Variants in AHDC1 observed in about 807,000 individuals in gnomAD.
AHDC1 encodes the protein AT-hook DNA binding motif containing 1.
AHDC1 carries 7 observed loss-of-function variants against 87.9 expected under a neutral mutation model. The observed-to-expected ratio is 0.08, with a 90% confidence interval of 0.05 to 0.15. The LOEUF (loss-of-function observed/expected upper bound fraction) is 0.15, where lower values mean the gene tolerates loss of function less well. Ranked by LOEUF, AHDC1 falls within the 10% of genes least tolerant of loss-of-function variation. The pLI is 1.00. For synonymous variants in AHDC1, 1,051 were observed against 1,006.8 expected (o/e 1.04, Z -0.83); for missense variants, 1,841 against 2,253.2 (o/e 0.82, Z 3.70).
Position 27,549,128 on chromosome 1 carries a change from C to T in AHDC1, c.2988G>A (p.Lys996=), listed in dbSNP as rs573300547. 3.1e-5 allele frequency: 48 copies of T among 1,553,156 alleles called. 1 individual carries two copies. The South Asian group carries it at 5.4e-4, about 18-fold the overall frequency. Reference sequence around the variant, plus strand: ...CACTGCCATAGGCGAAGCTGCAGTCCTTGCTGTTAGCGCAGTCCTGGCCTG... The same window carrying T: ...CACTGCCATAGGCGAAGCTGCAGTCTTTGCTGTTAGCGCAGTCCTGGCCTG... ...PFTGQDCANS[K]DCSFAYGSGN... Residue 996 remains lysine, a synonymous_variant, in exon 8 of 9, where the codon AAG becomes AAA. Transcript: ENST00000673934.
chr1:27,551,020 C>T lies in AHDC1; in HGVS notation c.1096G>A (p.Asp366Asn). Residue 366 changes from aspartate to asparagine, a missense_variant, in exon 8 of 9, where the codon GAC becomes AAC. By Grantham distance (23) the Asp-to-Asn change is conservative (BLOSUM62 1). This residue lies in a region of AHDC1 where 370 missense variants were observed against 391.5 expected (regional missense o/e 0.95). Transcript: ENST00000673934. The part of the protein sequence containing the change: ...HCPLAEPLRL[D>N]LCSPHGPPGP... Reference sequence around the variant, plus strand: ...GGGGGGCCGTGCGGTGAGCACAAGTCCAGGCGCAAGGGCTCGGCCAGTGGG... The same window carrying T: ...GGGGGGCCGTGCGGTGAGCACAAGTTCAGGCGCAAGGGCTCGGCCAGTGGG... 1.3e-6 allele frequency: 2 copies of T among 1,563,562 alleles called. No homozygotes were observed.
intron 5 of AHDC1, among the ~76,000 whole-genome samples, chr1:27,556,755 T>C (rs887977130): frequency 1.3e-5 from 2 of 152,112 alleles, no homozygotes; most frequent in African/African-American, 4.8e-5. Flanking sequence ...ACTTCTTTGG[T>C]GTCCAGAGAT....
At chr1:27,575,738 G>A (rs2088708533) in intron 3 of AHDC1, among the ~76,000 whole-genome samples, 2 of 151,800 alleles carry the variant, frequency 1.3e-5, no homozygotes, top group African/African-American at 4.8e-5. Context: ...GGGCCAAGCC[G>A]GCCGCCCCTT....
rs1557664528 is a variant in AHDC1 at position 27,550,356 on chromosome 1, C to T, written c.1760G>A (p.Arg587Gln). ...TGCCAGCTTCTGCTTCCGCCGCCGT[C>T]GTTTTTTTACCTCTGGCATGGCCAT... ...ATMAMPEVKK[R>Q]RRRKQKLASP... The change falls in exon 8 of 9, where the codon CGA becomes CAA. Residue 587 changes from arginine to glutamine, a missense_variant. Physicochemically the swap from Arg to Gln is conservative, Grantham distance 43 (BLOSUM62 1). Coordinates refer to ENST00000673934, the MANE Select transcript of AHDC1 (RefSeq NM_001371928.1). 4 of 1,614,040 alleles carry T rather than the reference C, an allele frequency of 2.5e-6. No individual in the cohort carries two copies. Among genetic ancestry groups the T allele is most frequent in the East Asian group, 4.5e-5 (2 of 44,882 alleles).
In AHDC1 at chr1:27,558,866, A is replaced by C; in HGVS notation, c.-611T>G. On this transcript the variant is annotated 5_prime_UTR_variant, in exon 4 of 9. The change creates a new upstream start codon in the 5' untranslated region. Coordinates refer to ENST00000673934, the MANE Select transcript of AHDC1 (RefSeq NM_001371928.1). The surrounding 1 kb of genome is among the most constrained non-coding windows in gnomAD (Gnocchi z 5.6). The stretch of plus-strand genomic sequence containing the variant: ...CTGGGGTCCAGGCCGATGGGTTGAC[A>C]ATCAGGCAAGCTCCCATCTGTGGAA... The C allele has an allele frequency of 2.5e-6, 1 of 398,650 alleles. No homozygotes were observed. Among genetic ancestry groups the C allele is most frequent in the Admixed American group, 4.4e-5 (1 of 22,740 alleles). 24.7% of individuals were successfully genotyped at this position (398,650 alleles called of 1,614,324 possible).
chr1:27,594,011 G>T (rs1308409870), intron 3 of AHDC1, among the ~76,000 whole-genome samples: 1 of 152,130 alleles, frequency 6.6e-6, no homozygotes, highest in Non-Finnish European at 1.5e-5. Flanking sequence ...GGATTTGGGG[G>T]CTGTGAGCAA....
chr1:27,550,947 G>A lies in AHDC1; in HGVS notation c.1169C>T (p.Pro390Leu), dbSNP rs1470335163. Residue 390 changes from proline (P) to leucine (L), a missense_variant, in exon 8 of 9, where the codon CCA becomes CTA. This residue lies in a region of AHDC1 where 370 missense variants were observed against 391.5 expected (regional missense o/e 0.95). Coordinates refer to ENST00000673934, the MANE Select transcript of AHDC1 (RefSeq NM_001371928.1). The stretch of plus-strand genomic sequence containing the variant: ...TTTCCGCCGGCGACACAGGATCTTT[G>A]GCCTATCAGTGCGCCGCAAGGCGTA... ...PKYALRRTDRPKILCRRRKAG... is the reference protein window; with the variant it reads ...PKYALRRTDRLKILCRRRKAG... 3.1e-6 allele frequency: 5 copies of A among 1,598,980 alleles called. No individual in the cohort carries two copies. The highest frequency in any genetic ancestry group is 4.2e-6 in the Non-Finnish European group (5 of 1,178,484).
chr1:27,547,450 G>A lies in AHDC1; in HGVS notation c.4666C>T (p.Leu1556=), dbSNP rs1490085596. 1 of 1,590,800 alleles carries A rather than the reference G, an allele frequency of 6.3e-7. No homozygotes were observed. The highest frequency in any genetic ancestry group is 2.3e-5 in the East Asian group (1 of 44,416). Residue 1556 remains leucine (L), a synonymous_variant, in exon 8 of 9, where the codon CTG becomes TTG. Coordinates refer to ENST00000673934, the MANE Select transcript of AHDC1 (RefSeq NM_001371928.1). The surrounding 1 kb of genome is among the most constrained non-coding windows in gnomAD (Gnocchi z 4.9). Reference sequence around the variant, plus strand: ...TAGGCGGTGTCCTGCAGGGGCAGCAGCGAGTCCCTCGGCACGGGGGACAGG... The same window carrying A: ...TAGGCGGTGTCCTGCAGGGGCAGCAACGAGTCCCTCGGCACGGGGGACAGG... ...LTLSPVPRDS[L]LPLQDTAYRY... is the part of the protein sequence containing the mutation.
chr1:27,570,184 T>TCCCTGCC (rs2020505761), intron 3 of AHDC1, among the ~76,000 whole-genome samples: 1 of 152,010 alleles, frequency 6.6e-6, no homozygotes, highest in Admixed American at 6.6e-5. Context: ...AGAATGCTCC[T>TCCCTGCC]CCCTGCCCCC....
intron 3 of AHDC1, among the ~76,000 whole-genome samples, chr1:27,572,647 C>G (rs958416740): frequency 6.6e-6 from 1 of 152,230 alleles, no homozygotes; most frequent in Non-Finnish European, 1.5e-5. Context: ...AAACAACTGA[C>G]AAACCCAGGT....
At chr1:27,567,087 G>A (rs546488089) in intron 3 of AHDC1, among the ~76,000 whole-genome samples, 18 of 152,238 alleles carry the variant, frequency 1.2e-4, no homozygotes, top group Admixed American at 9.1e-4. Flanking sequence ...TCTCCAGGCC[G>A]TCTGTGGGCA....
At chr1:27,576,347 G>A (rs1164131279) in intron 3 of AHDC1, among the ~76,000 whole-genome samples, 1 of 152,296 alleles carries the variant, frequency 6.6e-6, no homozygotes, top group African/African-American at 2.4e-5. Flanking sequence ...GTCTGAAAAG[G>A]CCCTCTGCAG....
chr1:27,581,409 C>T (rs2088905546), intron 3 of AHDC1, among the ~76,000 whole-genome samples: 1 of 151,428 alleles, frequency 6.6e-6, no homozygotes, highest in African/African-American at 2.4e-5. Context: ...GGGTCCTTAG[C>T]CAAAATGGTA....
intron 3 of AHDC1, among the ~76,000 whole-genome samples, chr1:27,573,381 T>TGGGAGCCCTCTATGTGTGGTAA (rs1474622826): frequency 6.6e-6 from 1 of 152,072 alleles, no homozygotes; most frequent in African/African-American, 2.4e-5. Flanking sequence ...AGTTCCCCAG[T>TGGGAGCCCTCTATGTGTGGTAA]GGGAGCCCTC....
At chr1:27,570,349 C>T (rs1199201568) in intron 3 of AHDC1, among the ~76,000 whole-genome samples, 1 of 151,922 alleles carries the variant, frequency 6.6e-6, no homozygotes, top group Non-Finnish European at 1.5e-5. Context: ...TCATCCCTCA[C>T]CCAGGGCTAC....
intron 3 of AHDC1, among the ~76,000 whole-genome samples, chr1:27,566,215 G>A (rs985510192): frequency 6.6e-6 from 1 of 152,152 alleles, no homozygotes; most frequent in African/African-American, 2.4e-5. Flanking sequence ...TTCAGATCCA[G>A]GAAGAGAGAC....
Position 27,548,135 on chromosome 1 carries a change from G to A in AHDC1, c.3981C>T (p.Pro1327=). The change falls in exon 8 of 9, where the codon CCC becomes CCT. Residue 1327 remains proline, a synonymous_variant. Coordinates refer to ENST00000673934, the MANE Select transcript of AHDC1 (RefSeq NM_001371928.1). ...CCACGCCGAAGGCCCTCGACTGTGA[G>A]GGCAGTGGTGACATGCTGCTGTCCC... The part of the protein sequence containing the change: ...YSGDSSMSPL[P]SQSRAFGVGE... The A allele has an allele frequency of 1.9e-6, 3 of 1,613,924 alleles. No individual in the cohort carries two copies. Among genetic ancestry groups the A allele is most frequent in the African/African-American group, 1.3e-5 (1 of 75,068 alleles).
chr1:27,557,687 G>A (rs186252325), intron 5 of AHDC1, among the ~76,000 whole-genome samples: 2 of 152,272 alleles, frequency 1.3e-5, no homozygotes, highest in Non-Finnish European at 2.9e-5. Flanking sequence ...TTCAGATCTT[G>A]TCTATACACA....
chr1:27,598,683 AC>A lies in AHDC1; in HGVS notation c.-629+4713del, dbSNP rs1192252934. On this transcript the variant is annotated intron_variant, in intron 3 of 8. Transcript: ENST00000673934. This position sits in a 1 kb window ranked among gnomAD's most constrained non-coding sequence, Gnocchi z 4.2. Reference sequence around the variant, plus strand: ...GACGTGGGGGGATCACACCAGTGTCACCCCCACAACAGTGGAGGCTGGTTTT... The same window carrying A: ...GACGTGGGGGGATCACACCAGTGTCACCCCACAACAGTGGAGGCTGGTTTT... 1.3e-5 allele frequency among the ~76,000 whole-genome samples: 2 copies of A among 151,842 alleles called. No individual in the cohort carries two copies. Among genetic ancestry groups the A allele is most frequent in the African/African-American group, 4.8e-5 (2 of 41,284 alleles).
Sources: allele counts gnomAD v4.1 joint callset (sites outside exome capture counted in the v4.1 genomes callset), GRCh38; gene constraint gnomAD v4.1.1; regional missense constraint gnomAD v4.1.1; non-coding constraint Gnocchi (gnomAD v3.1); transcripts MANE v1.5; gene names NCBI Gene and HGNC (gene_info 2026-07-23, HGNC 2026-07-21).